Variants in BAIAP2 observed in about 807,000 individuals in gnomAD.
BAIAP2 encodes the protein BAR/IMD domain-containing adapter protein 2.
A neutral mutation model predicts 63.0 loss-of-function variants in BAIAP2; 18 were observed. That is an observed-to-expected ratio of 0.29 (90% CI 0.20 to 0.42). The LOEUF (loss-of-function observed/expected upper bound fraction) is 0.42. Among genes scored for constraint, BAIAP2 ranks in the 10% least tolerant of loss-of-function variants. The pLI, the probability that BAIAP2 is intolerant of heterozygous loss-of-function variation, is 1.00. For synonymous variants in BAIAP2, 386 were observed against 307.6 expected, an observed-to-expected ratio of 1.25 and a Z score of -2.67; for missense variants, 610 against 734.3, an observed-to-expected ratio of 0.83 and a Z score of 1.96.
chr17:81,104,961 G>C (rs1335051141), intron 10 of BAIAP2: 1 of 488,764 alleles, frequency 2.0e-6, no homozygotes, highest in African/African-American at 1.9e-5. Context: ...CCTACAGGAG[G>C]GATCTCCCCC....
At chr17:81,084,349 C>G (rs2055181075) in intron 3 of BAIAP2, among the ~76,000 whole-genome samples, 1 of 152,146 alleles carries the variant, frequency 6.6e-6, no homozygotes, top group African/African-American at 2.4e-5. Context: ...GTCTTGGAGT[C>G]AGAGAGGCTT....
chr17:81,105,261 C>T (rs2059035911), intron 10 of BAIAP2: 1 of 161,696 alleles, frequency 6.2e-6, no homozygotes. Context: ...GTCTAGTGAC[C>T]ACCTTGCTCC....
chr17:81,055,633 T>G (rs1035825226), intron 2 of BAIAP2, among the ~76,000 whole-genome samples: 5 of 143,392 alleles, frequency 3.5e-5, no homozygotes, highest in African/African-American at 1.3e-4. Flanking sequence ...TGGCGCTATC[T>G]TGGCTCCCTG....
At chr17:81,105,129 A>AG (rs199799453) in intron 10 of BAIAP2, 18 of 162,188 alleles carry the variant, frequency 1.1e-4, no homozygotes, top group South Asian at 7.4e-4. Flanking sequence ...GGTCTGCCCC[A>AG]TGGCAGGGGT....
At chr17:81,035,794 C>T (rs948910074) in intron 1 of BAIAP2, among the ~76,000 whole-genome samples, 25 of 152,244 alleles carry the variant, frequency 1.6e-4, no homozygotes, top group African/African-American at 4.6e-4. Context: ...GCGGTGGCAC[C>T]GTGGGGCTCC....
chr17:81,098,114 A>T, intron 6 of BAIAP2: 1 of 1,395,836 alleles, frequency 7.2e-7, no homozygotes, highest in Non-Finnish European at 9.4e-7. Context: ...GGGGGTGGGG[A>T]GGCATGCTCC....
intron 1 of BAIAP2, among the ~76,000 whole-genome samples, chr17:81,050,543 T>C (rs1329790308): frequency 6.6e-6 from 1 of 152,134 alleles, no homozygotes; most frequent in Non-Finnish European, 1.5e-5. Context: ...CTCACAGGGC[T>C]CAGGTTGAGC....
chr17:81,082,123 G>A (rs1204070312), intron 3 of BAIAP2, among the ~76,000 whole-genome samples: 2 of 152,074 alleles, frequency 1.3e-5, no homozygotes. Flanking sequence ...TGTCGTCCCC[G>A]TGAGCCCTGT....
At chr17:81,060,075 C>T (rs1485571749) in intron 3 of BAIAP2, among the ~76,000 whole-genome samples, 2 of 152,172 alleles carry the variant, frequency 1.3e-5, no homozygotes, top group Non-Finnish European at 1.5e-5. Context: ...AATCTCTCCC[C>T]GGGCTCCTCC....
intron 6 of BAIAP2, among the ~76,000 whole-genome samples, chr17:81,091,134 C>T (rs1294260733): frequency 6.6e-6 from 1 of 150,812 alleles, no homozygotes; most frequent in African/African-American, 2.4e-5. Context: ...TGGCCCCACC[C>T]CTTGGTGCAG....
intron 3 of BAIAP2, among the ~76,000 whole-genome samples, chr17:81,082,561 G>T (rs1044978777): frequency 6.6e-5 from 10 of 152,352 alleles, no homozygotes; most frequent in Non-Finnish European, 1.5e-4. Context: ...TGGAGAAGCA[G>T]CCAGGCCTAG....
At chr17:81,090,518 A>G (rs1355300283) in intron 6 of BAIAP2, among the ~76,000 whole-genome samples, 2 of 152,256 alleles carry the variant, frequency 1.3e-5, no homozygotes, top group Non-Finnish European at 2.9e-5. Context: ...ACTTGGTGCC[A>G]AGCACAAGCT....
intron 1 of BAIAP2, among the ~76,000 whole-genome samples, chr17:81,049,691 G>A (rs573752924): frequency 1.9e-4 from 29 of 152,326 alleles, no homozygotes; most frequent in Non-Finnish European, 1.6e-4. Flanking sequence ...ACCTGGGGCC[G>A]CTGCTGTTGG....
At chr17:81,061,607 T>C (rs1389022094) in intron 3 of BAIAP2, among the ~76,000 whole-genome samples, 4 of 152,234 alleles carry the variant, frequency 2.6e-5, no homozygotes, top group Non-Finnish European at 5.9e-5. Flanking sequence ...CAGGAATTTG[T>C]TGCATTTCGT....
At chr17:81,077,372 G>A (rs2053832380) in intron 3 of BAIAP2, among the ~76,000 whole-genome samples, 1 of 152,088 alleles carries the variant, frequency 6.6e-6, no homozygotes, top group Admixed American at 6.5e-5. Flanking sequence ...TTTGAGACCA[G>A]CCTGGCCAAC....
chr17:81,040,646 A>G (rs1485246326), intron 1 of BAIAP2, among the ~76,000 whole-genome samples: 1 of 152,264 alleles, frequency 6.6e-6, no homozygotes, highest in Non-Finnish European at 1.5e-5. Context: ...TGGAGCATTC[A>G]TGCTTGAATC....
At chr17:81,051,106 C>A (rs754012122) in intron 1 of BAIAP2, among the ~76,000 whole-genome samples, 1 of 151,520 alleles carries the variant, frequency 6.6e-6, no homozygotes, top group African/African-American at 2.4e-5. Flanking sequence ...CCAGGCACTC[C>A]TGGGAGTTAA....
chr17:81,066,776 C>T (rs1373197662), intron 3 of BAIAP2, among the ~76,000 whole-genome samples: 2 of 152,206 alleles, frequency 1.3e-5, no homozygotes, highest in African/African-American at 4.8e-5. Context: ...GGCTGTGTCA[C>T]GGCCCCTCTG....
intron 3 of BAIAP2, among the ~76,000 whole-genome samples, chr17:81,068,099 G>A (rs1173434788): frequency 6.6e-6 from 1 of 152,230 alleles, no homozygotes; most frequent in South Asian, 2.1e-4. Context: ...ATGCACTTTG[G>A]GTGGTGCCAG....
Sources: allele counts gnomAD v4.1 joint callset (sites outside exome capture counted in the v4.1 genomes callset), GRCh38; gene constraint gnomAD v4.1.1; transcripts MANE v1.5; gene names NCBI Gene and HGNC (gene_info 2026-07-23, HGNC 2026-07-21).